HMCN2: variants seen among roughly 807,000 people sequenced by gnomAD.
HMCN2 encodes the protein hemicentin 2.
HMCN2 carries 325 observed loss-of-function variants against 377.5 expected under a neutral mutation model. The observed-to-expected ratio is 0.86, with a 90% confidence interval of 0.79 to 0.94. HMCN2 has a LOEUF of 0.94. Ranked by LOEUF, HMCN2 falls within the 40% of genes least tolerant of loss-of-function variation. The pLI is 0.00. For missense variants in HMCN2, 4,543 were observed against 4,725.3 expected (o/e 0.96, Z 1.13); for synonymous variants, 2,007 against 2,046.8 (o/e 0.98, Z 0.53).
rs976273227 is a variant in HMCN2, at chr9:130,395,094, G to A, written c.10760G>A (p.Arg3587Gln). 20 of 1,287,044 alleles carry A rather than the reference G, an allele frequency of 1.6e-5. No homozygotes were observed. The highest frequency in any genetic ancestry group is 7.6e-5 in the African/African-American group (5 of 65,506). 79.7% of individuals were successfully genotyped at this position (1,287,044 alleles called of 1,614,324 possible). A position where few individuals can be genotyped will look rare whatever the true frequency, so the allele number is the denominator to read the frequency against. The stretch of plus-strand genomic sequence containing the variant: ...GCAGGTGCAATTGAGAAGAGCTTCC[G>A]GGTCAGGGTTCAAGGTAGGTGGTGG... ...SPAGAIEKSF[R>Q]VRVQAPPNIV... Residue 3587 changes from arginine to glutamine, a missense_variant, in exon 70 of 98, where the codon CGG becomes CAG. Around this residue, in one of 5 missense-constraint regions of HMCN2, gnomAD observed 1,073 missense variants for 1,319.5 expected, o/e 0.81. Coordinates refer to ENST00000683500, the MANE Select transcript of HMCN2 (RefSeq NM_001291815.2).
chr9:130,332,051 A>C (rs1469033157), intron 22 of HMCN2, among the ~76,000 whole-genome samples: 5 of 152,152 alleles, frequency 3.3e-5, no homozygotes, highest in Non-Finnish European at 7.4e-5. Flanking sequence ...TGAGGCCTGC[A>C]GCTGGGATCT....
intron 59 of HMCN2, 139 bp from the exon 60 acceptor site, chr9:130,385,421 T>C (rs930382874): frequency 5.2e-5 from 22 of 423,372 alleles, no homozygotes; most frequent in African/African-American, 1.1e-4. Context: ...TTCCTCCACC[T>C]CCCCTGGGTC....
At chr9:130,332,362 G>A (rs936914881) in intron 22 of HMCN2, among the ~76,000 whole-genome samples, 2,185 of 152,332 alleles carry the variant, frequency 0.014, 54 homozygotes, top group African/African-American at 0.05. Flanking sequence ...CTCAGTGGCC[G>A]TGGACACCAG....
chr9:130,420,466 G>A (rs945100195), intron 86 of HMCN2, among the ~76,000 whole-genome samples: 1 of 151,780 alleles, frequency 6.6e-6, no homozygotes, highest in African/African-American at 2.4e-5. Flanking sequence ...AGGGCTACTG[G>A]TAAAAAAACA....
chr9:130,385,090 T>A (rs1841949157), intron 59 of HMCN2, among the ~76,000 whole-genome samples: 1 of 152,156 alleles, frequency 6.6e-6, no homozygotes, highest in Admixed American at 6.5e-5. Flanking sequence ...GCCCAAGGTG[T>A]CTTTAGCAAG....
chr9:130,385,722 C>T lies in HMCN2; in HGVS notation c.9269C>T (p.Ala3090Val). 4.6e-6 allele frequency: 6 copies of T among 1,304,158 alleles called. No individual in the cohort carries two copies. The highest frequency in any genetic ancestry group is 5.1e-6 in the Non-Finnish European group (5 of 988,912). The allele number at this position is 1,304,158 out of a possible 1,614,324, so 80.8% of individuals were successfully genotyped here. ...QPLVLAQRTQ[A>V]LRGGQRLEIQ... is the part of the protein sequence containing the mutation. ...CTGGTCCTGGCACAGCGGACCCAGGCTCTGCGGGGTGGGCAGAGGCTGGAG... is the reference window on the plus strand; with the variant it reads ...CTGGTCCTGGCACAGCGGACCCAGGTTCTGCGGGGTGGGCAGAGGCTGGAG... The change falls in exon 60 of 98, where the codon GCT becomes GTT. Residue 3090 changes from alanine (A) to valine (V), a missense_variant. Transcript: ENST00000683500.
intron 86 of HMCN2, 160 bp downstream of exon 86, chr9:130,419,201 T>C: frequency 1.6e-6 from 1 of 632,182 alleles, no homozygotes; most frequent in Non-Finnish European, 2.4e-6. Context: ...ACCCTGCCCG[T>C]TTACAGTTGG....
In HMCN2 at chr9:130,368,272, C is replaced by T. The variant is rs771595890; in HGVS notation, c.6626-4C>T. The stretch of plus-strand genomic sequence containing the variant: ...ACCAGGAGTTTCTTTTTTCCTGCAC[C>T]CAGGTCAACCCCTCCCCGGGGAGGG... On this transcript the variant is annotated splice_polypyrimidine_tract_variant and splice_region_variant and intron_variant, in intron 43 of 97. Transcript: ENST00000683500. 1.6e-5 allele frequency: 16 copies of T among 985,558 alleles called. No homozygotes were observed. Among genetic ancestry groups the T allele is most frequent in the Non-Finnish European group, 1.9e-5 (16 of 829,860 alleles). The allele number at this position is 985,558 out of a possible 1,614,324, so 61.1% of individuals were successfully genotyped here. A position where few individuals can be genotyped will look rare whatever the true frequency, so the allele number is the denominator to read the frequency against.
At chr9:130,398,853 G>A in intron 75 of HMCN2, 146 bp downstream of exon 75, 1 of 645,082 alleles carries the variant, frequency 1.6e-6, no homozygotes, top group Non-Finnish European at 2.3e-6. Flanking sequence ...CAACTTTGGG[G>A]ATCAGAGAGT....
rs563538605 is a variant in HMCN2 at position 130,376,226 on chromosome 9, C to T, written c.7918+237C>T. ...CTGCAGTCCTAGCTTCCTCCTGCCA[C>T]TTCTGCTTTGGAGTATAAACAGAGG... On this transcript the variant is annotated intron_variant, in intron 51 of 97. Transcript: ENST00000683500. Among the ~76,000 whole-genome samples the T allele has an allele frequency of 3.3e-5, 5 of 152,334 alleles. No individual in the cohort carries two copies. The East Asian group carries it at 9.6e-4, about 29-fold the overall frequency.
At chr9:130,291,508 T>A (rs781892151) in intron 4 of HMCN2, among the ~76,000 whole-genome samples, 1 of 152,192 alleles carries the variant, frequency 6.6e-6, no homozygotes, top group African/African-American at 2.4e-5. Flanking sequence ...CAGTGCCCGG[T>A]CGCATACTTG....
At chr9:130,294,738 A>G in intron 4 of HMCN2, 117 bp from the exon 5 acceptor site, 2 of 340,698 alleles carry the variant, frequency 5.9e-6, no homozygotes, top group South Asian at 2.2e-5. Context: ...GGTGTTGGAC[A>G]TGGAGGAGTG....
rs1269202847 is a variant in HMCN2, at chr9:130,353,235, G to A, written c.4864+30G>A. 7 of 1,297,024 alleles carry A rather than the reference G, an allele frequency of 5.4e-6. No homozygotes were observed. The African/African-American group carries it at 1.1e-4, about 20-fold the overall frequency. The allele number at this position is 1,297,024 out of a possible 1,614,324, so 80.3% of individuals were successfully genotyped here. ...GCAGCCAGGGGCCACGGCAGCCGGG[G>A]TGGGCAGTGGGAGGGACTCAGCCAT... On this transcript the variant is annotated intron_variant, in intron 31 of 97. Coordinates refer to ENST00000683500, the MANE Select transcript of HMCN2 (RefSeq NM_001291815.2).
intron 23 of HMCN2, among the ~76,000 whole-genome samples, 182 bp from the exon 24 acceptor site, chr9:130,340,929 C>T (rs1044352416): frequency 3.9e-5 from 6 of 152,322 alleles, no homozygotes; most frequent in South Asian, 2.1e-4. Flanking sequence ...GGTGAAAGAC[C>T]GGAGCTCACT....
intron 93 of HMCN2, chr9:130,429,347 C>T: frequency 1.6e-6 from 1 of 614,860 alleles, no homozygotes; most frequent in South Asian, 2.0e-5. Context: ...GCCTTTCAGC[C>T]CCTTCCTTTC....
chr9:130,369,597 A>G lies in HMCN2; in HGVS notation c.6815A>G (p.Glu2272Gly). The G allele has an allele frequency of 3.0e-6, 3 of 985,592 alleles. No homozygotes were observed. The highest frequency in any genetic ancestry group is 1.1e-4 in the East Asian group (1 of 8,788). The allele number at this position is 985,592 out of a possible 1,614,324, so 61.1% of individuals were successfully genotyped here. Residue 2272 changes from glutamate to glycine, a missense_variant, in exon 45 of 98, where the codon GAG (glutamate) becomes GGG (glycine). Glu to Gly is a moderately conservative substitution (Grantham distance 98). This residue lies in a region of HMCN2 where 1,032 missense variants were observed against 1,285.1 expected (regional missense o/e 0.80). Coordinates refer to ENST00000683500, the MANE Select transcript of HMCN2 (RefSeq NM_001291815.2). The surrounding 1 kb of genome is among the most constrained non-coding windows in gnomAD (Gnocchi z 4.5). ...HVPPQIAGPR[E>G]PPTQVSVVQD... ...CCCCCTCAGATTGCCGGTCCCCGGGAGCCTCCCACACAAGTCTCTGTGGTC... is the reference window on the plus strand; with the variant it reads ...CCCCCTCAGATTGCCGGTCCCCGGGGGCCTCCCACACAAGTCTCTGTGGTC...
chr9:130,433,864 C>A lies in HMCN2; in HGVS notation c.*171C>A. The stretch of plus-strand genomic sequence containing the variant: ...TGCGCACAGCCTTGACCCCCGACAG[C>A]GAGGACCTGACCTCACAGAGGGAGG... On this transcript the variant is annotated 3_prime_UTR_variant, in exon 98 of 98. Transcript: ENST00000683500. 1 of 588,542 alleles carries A rather than the reference C, an allele frequency of 1.7e-6. No homozygotes were observed. Among genetic ancestry groups the A allele is most frequent in the South Asian group, 2.8e-5 (1 of 35,756 alleles). The allele number at this position is 588,542 out of a possible 1,614,324, so 36.5% of individuals were successfully genotyped here.
At chr9:130,283,197 C>T (rs1351967111) in intron 1 of HMCN2, among the ~76,000 whole-genome samples, 1 of 152,092 alleles carries the variant, frequency 6.6e-6, no homozygotes, top group African/African-American at 2.4e-5. Context: ...ATCCCCGGAA[C>T]GCCAGCCCTG....
At chr9:130,305,062 C>G (rs1392929300) in intron 11 of HMCN2, 60 bp downstream of exon 11, 1 of 438,286 alleles carries the variant, frequency 2.3e-6, no homozygotes, top group Non-Finnish European at 4.9e-6. Flanking sequence ...GTGTTTACCC[C>G]AGAAGCCGCG....
Sources: allele counts gnomAD v4.1 joint callset (sites outside exome capture counted in the v4.1 genomes callset), GRCh38; gene constraint gnomAD v4.1.1; regional missense constraint gnomAD v4.1.1; non-coding constraint Gnocchi (gnomAD v3.1); transcripts MANE v1.5; gene names NCBI Gene and HGNC (gene_info 2026-07-23, HGNC 2026-07-21).